Variants in VPS13B observed in about 807,000 individuals in gnomAD.
VPS13B encodes vacuolar protein sorting 13 homolog B.
In VPS13B, 285 loss-of-function variants were observed where a neutral mutation model predicts 426.4. That is an observed-to-expected ratio of 0.67 (90% CI 0.61 to 0.74). The LOEUF (loss-of-function observed/expected upper bound fraction) is 0.74, where lower values mean the gene tolerates loss of function less well. VPS13B is among the 30% of genes least tolerant of loss of function. The pLI is 0.00. For missense variants in VPS13B, 4,537 were observed against 4,782.6 expected (o/e 0.95, Z 1.51); for synonymous variants, 1,676 against 1,676.4 (o/e 1.00, Z 0.01).
At chr8:99,455,285 T>A (rs1359294217) in intron 23 of VPS13B, among the ~76,000 whole-genome samples, 2 of 152,174 alleles carry the variant, frequency 1.3e-5, no homozygotes, top group Non-Finnish European at 2.9e-5. Flanking sequence ...TATAAAGAAA[T>A]ACCTGAGACT....
At chr8:99,330,573 A>G (rs1267239562) in intron 19 of VPS13B, among the ~76,000 whole-genome samples, 1 of 151,844 alleles carries the variant, frequency 6.6e-6, no homozygotes, top group Non-Finnish European at 1.5e-5. Context: ...TTGTTTCCTA[A>G]GTGTTCCCCC....
chr8:99,237,291 T>G (rs1244235508), intron 17 of VPS13B, among the ~76,000 whole-genome samples: 2 of 152,226 alleles, frequency 1.3e-5, no homozygotes, highest in African/African-American at 4.8e-5. Flanking sequence ...AAGTAATTTG[T>G]GTTTGCTTTT....
chr8:99,731,705 A>C (rs1174112046), intron 39 of VPS13B, among the ~76,000 whole-genome samples: 1 of 152,204 alleles, frequency 6.6e-6, no homozygotes, highest in Non-Finnish European at 1.5e-5. Context: ...GAGGTTATAG[A>C]GAAGAAATCT....
At chr8:99,313,749 A>G (rs985561990) in intron 19 of VPS13B, among the ~76,000 whole-genome samples, 7 of 152,118 alleles carry the variant, frequency 4.6e-5, no homozygotes, top group African/African-American at 7.2e-5. Context: ...CTGTTTGCCT[A>G]TGCCCTGTCC....
chr8:99,306,434 A>T (rs565297418), intron 19 of VPS13B, among the ~76,000 whole-genome samples: 1 of 152,146 alleles, frequency 6.6e-6, no homozygotes, highest in East Asian at 1.9e-4. Flanking sequence ...AAAATAGTGC[A>T]TTCCCATTAG....
intron 31 of VPS13B, among the ~76,000 whole-genome samples, chr8:99,562,470 G>A (rs1824979604): frequency 6.6e-6 from 1 of 152,012 alleles, no homozygotes; most frequent in Non-Finnish European, 1.5e-5. Flanking sequence ...TAGTAGAGAT[G>A]GAGTTTCCCC....
intron 17 of VPS13B, among the ~76,000 whole-genome samples, chr8:99,270,782 G>A (rs1818549593): frequency 6.6e-6 from 1 of 152,052 alleles, no homozygotes; most frequent in South Asian, 2.1e-4. Context: ...TGACCCTTAA[G>A]GCTTGAGAGC....
At chr8:99,288,548 AT>A (rs1485080850) in intron 19 of VPS13B, among the ~76,000 whole-genome samples, 2 of 152,008 alleles carry the variant, frequency 1.3e-5, no homozygotes, top group Non-Finnish European at 2.9e-5. Flanking sequence ...CTATAGCTCA[AT>A]TTTTGAAGAT....
chr8:99,873,992 G>A (rs908836459), intron 61 of VPS13B, among the ~76,000 whole-genome samples: 4 of 152,210 alleles, frequency 2.6e-5, no homozygotes, highest in African/African-American at 9.6e-5. Flanking sequence ...ATTTGTAGAT[G>A]ACATCATGCA....
In VPS13B at chr8:99,835,226, T is replaced by C; in HGVS notation, c.9644T>C (p.Leu3215Pro). The change falls in exon 53 of 62, where the codon CTC (leucine) becomes CCC (proline). Residue 3215 changes from leucine to proline, a missense_variant. Leu to Pro is a moderately conservative substitution (Grantham distance 98, BLOSUM62 -3). Transcript: ENST00000357162. ...ATAGTGCTGACATATCAAGAACACCTCGGAGTGACTTATTTAACCCTCTCA... is the reference window on the plus strand; with the variant it reads ...ATAGTGCTGACATATCAAGAACACCCCGGAGTGACTTATTTAACCCTCTCA... ...RAIVLTYQEHLGVTYLTLSED... is the reference protein window; with the variant it reads ...RAIVLTYQEHPGVTYLTLSED... 7 of 1,614,026 alleles carry C rather than the reference T, an allele frequency of 4.3e-6. No individual in the cohort carries two copies. The highest frequency in any genetic ancestry group is 5.9e-6 in the Non-Finnish European group (7 of 1,179,972).
intron 59 of VPS13B, among the ~76,000 whole-genome samples, chr8:99,869,007 G>A (rs965910015): frequency 2.6e-5 from 4 of 152,256 alleles, no homozygotes; most frequent in Non-Finnish European, 2.9e-5. Context: ...GCGCATGGCA[G>A]TACCTGCACT....
At chr8:99,530,843 G>A (rs1013531757) in intron 30 of VPS13B, among the ~76,000 whole-genome samples, 4 of 152,074 alleles carry the variant, frequency 2.6e-5, no homozygotes, top group African/African-American at 7.2e-5. Flanking sequence ...TAGGCCACAC[G>A]TAATAAGTGA....
At chr8:99,334,096 G>C (rs1330922856) in intron 19 of VPS13B, among the ~76,000 whole-genome samples, 4 of 151,818 alleles carry the variant, frequency 2.6e-5, no homozygotes, top group Non-Finnish European at 4.4e-5. Flanking sequence ...AAGTGGAATT[G>C]TTACTATAAG....
intron 21 of VPS13B, among the ~76,000 whole-genome samples, chr8:99,416,752 T>C (rs541131861): frequency 6.6e-6 from 1 of 152,204 alleles, no homozygotes; most frequent in Admixed American, 6.5e-5. Context: ...CTGCATCCAC[T>C]GCCTAACCAG....
At position 99,375,066 on chromosome 8, in the gene VPS13B, C is replaced by T. The variant is rs913105758; in HGVS notation, c.2825-9142C>T. On this transcript the variant is annotated intron_variant, in intron 19 of 61. Transcript: ENST00000357162. The stretch of plus-strand genomic sequence containing the variant: ...TCACCGGGGGTCTTTCTCATCTCTC[C>T]AGCCTTGCTTCTTGTCATTCTCATG... Among the ~76,000 whole-genome samples the T allele has an allele frequency of 6.6e-5, 10 of 152,170 alleles. No homozygotes were observed. In the East Asian group the frequency reaches 1.9e-3, roughly 29 times the overall value.
chr8:99,407,738 A>G (rs890057859), intron 21 of VPS13B, among the ~76,000 whole-genome samples: 20 of 152,050 alleles, frequency 1.3e-4, no homozygotes, highest in African/African-American at 4.3e-4. Flanking sequence ...TTACATATGT[A>G]TACATGTGCC....
At chr8:99,614,363 C>T (rs1281122723) in intron 33 of VPS13B, among the ~76,000 whole-genome samples, 3 of 152,044 alleles carry the variant, frequency 2.0e-5, no homozygotes, top group Non-Finnish European at 2.9e-5. Context: ...CCACAACCTC[C>T]GCCTCCCGGG....
intron 19 of VPS13B, among the ~76,000 whole-genome samples, chr8:99,289,783 T>G (rs938197920): frequency 6.6e-6 from 1 of 152,104 alleles, no homozygotes; most frequent in Non-Finnish European, 1.5e-5. Flanking sequence ...GGTAAGTTTT[T>G]AAAAAATCAG....
At chr8:99,227,330 G>A (rs75204323) in intron 17 of VPS13B, among the ~76,000 whole-genome samples, 11,022 of 152,070 alleles carry the variant, frequency 0.072, 474 homozygotes, top group Non-Finnish European at 0.1. Flanking sequence ...GAAAAGTAAC[G>A]TACATAATAT....
Sources: gnomAD v4.1 joint callset for allele counts (sites outside exome capture counted in the v4.1 genomes callset) on GRCh38, gnomAD v4.1.1 for gene constraint, MANE v1.5 for transcripts, NCBI Gene and HGNC (gene_info 2026-07-23, HGNC 2026-07-21) for gene names.